The following BLTP3A variants were observed in gnomAD, a reference collection of about 807,000 sequenced individuals.
BLTP3A encodes ICBP90 binding protein 1.
At chr6:34,836,019 C>T in the BLTP3A span, 2 of 1,105,782 alleles carry the variant, frequency 1.8e-6, no homozygotes, top group Non-Finnish European at 2.6e-6. Context: ...AAGTGAGCTA[C>T]TAGGCCAACA....
the BLTP3A span, chr6:34,858,332 G>A: frequency 6.2e-7 from 1 of 1,614,106 alleles, no homozygotes; most frequent in South Asian, 1.1e-5. Context: ...GGTGGCTTTA[G>A]CCTTCTGCAC....
the BLTP3A span, among the ~76,000 whole-genome samples, chr6:34,829,762 G>C: frequency 2.0e-5 from 3 of 151,924 alleles, no homozygotes; most frequent in Admixed American, 6.6e-5. Context: ...AGCCTTTGGA[G>C]TAGTTGGGAG....
At chr6:34,824,648 T>C in the BLTP3A span, among the ~76,000 whole-genome samples, 4 of 151,714 alleles carry the variant, frequency 2.6e-5, no homozygotes, top group South Asian at 8.3e-4. Flanking sequence ...AATATATATA[T>C]GTATATATGT....
At chr6:34,838,112 GAC>G in the BLTP3A span, among the ~76,000 whole-genome samples, 1 of 152,144 alleles carries the variant, frequency 6.6e-6, no homozygotes, top group Non-Finnish European at 1.5e-5. Flanking sequence ...TTTTAGATGA[GAC>G]ATTTTATTTT....
the BLTP3A span, among the ~76,000 whole-genome samples, chr6:34,814,276 A>G: frequency 6.6e-6 from 1 of 152,112 alleles, no homozygotes; most frequent in African/African-American, 2.4e-5. Flanking sequence ...TGGCCTCCCA[A>G]ACTACTGGGA....
At chr6:34,870,754 TA>T in the BLTP3A span, 3 of 1,425,502 alleles carry the variant, frequency 2.1e-6, no homozygotes, top group Non-Finnish European at 2.8e-6. Context: ...AGAATGATGA[TA>T]TTCCTTTGAC....
At chr6:34,812,293 C>T in the BLTP3A span, among the ~76,000 whole-genome samples, 6 of 149,470 alleles carry the variant, frequency 4.0e-5, no homozygotes, top group Non-Finnish European at 7.4e-5. Flanking sequence ...TGAGCCACTG[C>T]ACTCTAGCCT....
chr6:34,808,218 C>T, the BLTP3A span, among the ~76,000 whole-genome samples: 1 of 151,554 alleles, frequency 6.6e-6, no homozygotes, highest in African/African-American at 2.4e-5. Flanking sequence ...TGGCGGGCAC[C>T]TGTAATCCTA....
the BLTP3A span, chr6:34,834,080 T>G: frequency 7.4e-6 from 7 of 943,444 alleles, no homozygotes; most frequent in African/African-American, 6.6e-5. Context: ...CCAGCTTGGG[T>G]AACAGAGCAA....
chr6:34,826,102 C>T, the BLTP3A span, among the ~76,000 whole-genome samples: 44 of 145,454 alleles, frequency 3.0e-4, no homozygotes, highest in Non-Finnish European at 3.0e-4. Context: ...CATCTCTGCT[C>T]ACTGCAACCA....
At chr6:34,854,670 G>T in the BLTP3A span, among the ~76,000 whole-genome samples, 1 of 152,126 alleles carries the variant, frequency 6.6e-6, no homozygotes, top group Non-Finnish European at 1.5e-5. Flanking sequence ...ATTGTGTAGG[G>T]GTCTCTCTTG....
chr6:34,820,589 T>C, the BLTP3A span, among the ~76,000 whole-genome samples: 1 of 151,634 alleles, frequency 6.6e-6, no homozygotes, highest in Non-Finnish European at 1.5e-5. Flanking sequence ...CACCCACTTG[T>C]CTATGGGGAT....
At chr6:34,833,258 T>C in the BLTP3A span, among the ~76,000 whole-genome samples, 139 of 152,308 alleles carry the variant, frequency 9.1e-4, no homozygotes, top group African/African-American at 3.1e-3. Context: ...GATTTTGGTA[T>C]AGGAGATGGT....
chr6:34,859,046 G>C, the BLTP3A span: 1 of 1,614,194 alleles, frequency 6.2e-7, no homozygotes, highest in Non-Finnish European at 8.5e-7. Context: ...GACTCTGCAG[G>C]CTCAGATAGC....
chr6:34,872,192 T>C, the BLTP3A span: 1 of 1,222,266 alleles, frequency 8.2e-7, no homozygotes, highest in Admixed American at 2.4e-5. Flanking sequence ...TATGGTTATC[T>C]TAATCATTGA....
the BLTP3A span, among the ~76,000 whole-genome samples, chr6:34,798,582 T>TTTTC: frequency 1.6e-4 from 22 of 139,200 alleles, no homozygotes; most frequent in Non-Finnish European, 2.7e-4. Flanking sequence ...GTATTTTTAA[T>TTTTC]TTTCTTTCTT....
At chr6:34,800,786 G>A in the BLTP3A span, among the ~76,000 whole-genome samples, 3 of 152,096 alleles carry the variant, frequency 2.0e-5, no homozygotes, top group Admixed American at 2.0e-4. Context: ...TTTATATAGT[G>A]GTGTGATCTC....
chr6:34,823,352 A>G, the BLTP3A span: 1 of 1,612,182 alleles, frequency 6.2e-7, no homozygotes. Flanking sequence ...GACAGAGGTT[A>G]GTTTCTTTGA....
chr6:34,857,489 T>TATTTTTCTGTCTAGCTC, the BLTP3A span: 11 of 1,612,176 alleles, frequency 6.8e-6, no homozygotes, highest in Non-Finnish European at 9.3e-6. Flanking sequence ...CTAGGCTGGC[T>TATTTTTCTGTCTAGCTC]ATTTTTCTGT....
Sources: allele counts gnomAD v4.1 joint callset (sites outside exome capture counted in the v4.1 genomes callset), GRCh38; gene constraint gnomAD v4.1.1; transcripts MANE v1.5; gene names NCBI Gene and HGNC (gene_info 2026-07-23, HGNC 2026-07-21).